The following FN1 variants were observed in gnomAD, a reference collection of about 807,000 sequenced individuals.
FN1 encodes fibronectin 1, also known as fibronectin.
In FN1, 106 loss-of-function variants were observed where a neutral mutation model predicts 297.3. The ratio of observed to expected loss-of-function variants is 0.36; its 90% CI spans 0.30 to 0.42. FN1 has a LOEUF of 0.42. FN1 is among the 10% of genes least tolerant of loss of function. FN1 has a pLI of 1.00. For synonymous variants in FN1, 1,149 were observed against 1,152.6 expected, an observed-to-expected ratio of 1.00 and a Z score of 0.06; for missense variants, 2,690 against 3,124.9, an observed-to-expected ratio of 0.86 and a Z score of 3.32.
In FN1 at chr2:215,370,331, A is replaced by G. The variant is rs2055636008; in HGVS notation, c.6816T>C (p.His2272=). ...IVEALKDQQR[H]KVREEVVTVG... ...CGGTAACAACCTCTTCCCGAACCTT[A>G]TGCCTCTGCTGGTCTTTCAGTGCCT... The change falls in exon 41 of 46, where the codon CAT becomes CAC. Residue 2272 remains histidine (H), a synonymous_variant. Coordinates refer to ENST00000354785, the MANE Select transcript of FN1 (RefSeq NM_212482.4). The G allele has an allele frequency of 1.2e-6, 2 of 1,613,854 alleles. No homozygotes were observed. The highest frequency in any genetic ancestry group is 2.2e-5 in the South Asian group (2 of 91,070).
intron 36 of FN1, 145 bp from the exon 37 acceptor site, chr2:215,375,863 G>A (rs918583821): frequency 7.2e-6 from 5 of 690,758 alleles, no homozygotes; most frequent in African/African-American, 7.1e-5. Context: ...CAGTAAAGTA[G>A]AGCATGCTAT....
rs550378129 is a variant in FN1, at chr2:215,430,856, T to C, written c.548-4A>G. Reference sequence around the variant, plus strand: ...GCATGATCAAAACACTTCTCAGCTGTAGGGAAATTTGGAAGAAAAACAGGA... The same window carrying C: ...GCATGATCAAAACACTTCTCAGCTGCAGGGAAATTTGGAAGAAAAACAGGA... On this transcript the variant is annotated splice_polypyrimidine_tract_variant and splice_region_variant and intron_variant, in intron 4 of 45. Transcript: ENST00000354785. 3.3e-5 allele frequency: 54 copies of C among 1,613,918 alleles called. No homozygotes were observed. The South Asian group carries it at 4.9e-4, about 15-fold the overall frequency.
At chr2:215,407,010 G>A (rs2061859356) in intron 18 of FN1, 117 bp downstream of exon 18, 1 of 827,036 alleles carries the variant, frequency 1.2e-6, no homozygotes, top group Non-Finnish European at 2.1e-6. Flanking sequence ...GAAGTTTAGG[G>A]AAAAACTAAT....
At chr2:215,375,979 G>A (rs1295081728) in intron 36 of FN1, among the ~76,000 whole-genome samples, 4 of 152,198 alleles carry the variant, frequency 2.6e-5, no homozygotes, top group Non-Finnish European at 5.9e-5. Context: ...TGTTGGAAGA[G>A]GCCCTCTTGC....
chr2:215,404,712 C>CAA (rs1362311768), intron 19 of FN1, 57 bp from the exon 20 acceptor site: 3 of 1,497,844 alleles, frequency 2.0e-6, no homozygotes, highest in Non-Finnish European at 2.8e-6. Context: ...GATCATAACT[C>CAA]AAGTCCTGAA....
At chr2:215,393,249 G>C (rs1195371981) in intron 24 of FN1, 46 bp from the exon 25 acceptor site, 1 of 1,592,082 alleles carries the variant, frequency 6.3e-7, no homozygotes, top group Non-Finnish European at 8.6e-7. Context: ...AAGGAAAATA[G>C]AGGGAAAAAA....
chr2:215,393,112 A>G lies in FN1; in HGVS notation c.3888T>C (p.Ile1296=). ...CCGCAACTACTGTGATGCGGTACCC[A>G]ATAATGGTGGAAGAGTTTAGCGGGG... ...RWTPLNSSTI[I]GYRITVVAAG... Residue 1296 remains isoleucine (I), a synonymous_variant, in exon 25 of 46, where the codon ATT becomes ATC. Coordinates refer to ENST00000354785, the MANE Select transcript of FN1 (RefSeq NM_212482.4). 2 of 1,614,116 alleles carry G rather than the reference A, an allele frequency of 1.2e-6. No individual in the cohort carries two copies. Among genetic ancestry groups the G allele is most frequent in the South Asian group, 2.2e-5 (2 of 91,082 alleles).
At chr2:215,382,416 T>G in intron 31 of FN1, 91 bp from the exon 32 acceptor site, 1 of 786,382 alleles carries the variant, frequency 1.3e-6, no homozygotes, top group Non-Finnish European at 2.2e-6. Flanking sequence ...AAACATATGG[T>G]GGCCTAGAAT....
chr2:215,426,235 G>A (rs1386158338), intron 6 of FN1, among the ~76,000 whole-genome samples: 2 of 140,410 alleles, frequency 1.4e-5, no homozygotes, highest in Non-Finnish European at 3.0e-5. Context: ...TGCAAGCTCT[G>A]CCTCCCGGGT....
chr2:215,374,649 C>G (rs1434194642), intron 38 of FN1, among the ~76,000 whole-genome samples: 1 of 152,224 alleles, frequency 6.6e-6, no homozygotes, highest in Non-Finnish European at 1.5e-5. Context: ...AGTATGAAAA[C>G]AGACTAATAC....
At chr2:215,361,935 T>A in intron 45 of FN1, 34 bp downstream of exon 45, 2 of 1,610,956 alleles carry the variant, frequency 1.2e-6, no homozygotes, top group Non-Finnish European at 1.7e-6. Context: ...CTGTCTAGTA[T>A]GAGGGAACAC....
At chr2:215,432,593 C>T (rs766476600) in intron 3 of FN1, among the ~76,000 whole-genome samples, 10 of 152,106 alleles carry the variant, frequency 6.6e-5, no homozygotes, top group Non-Finnish European at 1.2e-4. Context: ...CCTATTCACA[C>T]GGGACTTGTT....
intron 41 of FN1, among the ~76,000 whole-genome samples, chr2:215,369,215 T>TTA (rs1473755696): frequency 7.2e-6 from 1 of 138,004 alleles, no homozygotes; most frequent in Non-Finnish European, 1.6e-5. Context: ...ATGGAATCTT[T>TTA]AAAAAAAAAA....
intron 20 of FN1, among the ~76,000 whole-genome samples, chr2:215,400,477 C>T (rs1053525903): frequency 1.3e-5 from 2 of 151,606 alleles, no homozygotes; most frequent in Non-Finnish European, 2.9e-5. Context: ...TTTGGCCAGG[C>T]GCAGTGGCTC....
At chr2:215,370,560 A>C (rs1056373619) in intron 40 of FN1, 128 bp from the exon 41 acceptor site, 13 of 831,940 alleles carry the variant, frequency 1.6e-5, no homozygotes, top group Admixed American at 4.7e-5. Context: ...AAAACAAAAA[A>C]AAAAAAAAGA....
intron 26 of FN1, among the ~76,000 whole-genome samples, chr2:215,391,119 G>A (rs767082672): frequency 3.3e-5 from 5 of 152,098 alleles, no homozygotes; most frequent in Admixed American, 6.5e-5. Context: ...CCTTCTAACA[G>A]ATTCTTTTTG....
At chr2:215,380,734 C>T in intron 33 of FN1, 77 bp downstream of exon 33, 2 of 1,508,080 alleles carry the variant, frequency 1.3e-6, no homozygotes, top group Non-Finnish European at 9.2e-7. Flanking sequence ...ATCAATAGCC[C>T]AGTGAAGCAT....
intron 3 of FN1, 61 bp from the exon 4 acceptor site, chr2:215,432,025 A>G: frequency 1.2e-6 from 2 of 1,605,398 alleles, no homozygotes; most frequent in Non-Finnish European, 8.5e-7. Context: ...TTTTGGTCTC[A>G]TATTCCACCC....
chr2:215,429,641 T>G (rs1341096676), intron 5 of FN1, among the ~76,000 whole-genome samples: 1 of 152,226 alleles, frequency 6.6e-6, no homozygotes, highest in Non-Finnish European at 1.5e-5. Context: ...ACTTTCAGTA[T>G]TTCTGTTGAA....
Sources: allele counts gnomAD v4.1 joint callset (sites outside exome capture counted in the v4.1 genomes callset), GRCh38; gene constraint gnomAD v4.1.1; transcripts MANE v1.5; gene names NCBI Gene and HGNC (gene_info 2026-07-23, HGNC 2026-07-21).